TANC2: variants seen among roughly 807,000 people sequenced by gnomAD.
TANC2 encodes tetratricopeptide repeat, ankyrin repeat and coiled-coil containing 2.
A neutral mutation model predicts 210.5 loss-of-function variants in TANC2; 26 were observed. The observed-to-expected ratio is 0.12, with a 90% CI of 0.09 to 0.17. The LOEUF (loss-of-function observed/expected upper bound fraction) is 0.17, where lower values mean the gene tolerates loss of function less well. Ranked by LOEUF, TANC2 falls within the 10% of genes least tolerant of loss-of-function variation. The pLI is 1.00. For missense variants in TANC2, 2,129 were observed against 2,608.9 expected, an observed-to-expected ratio of 0.82 and a Z score of 4.01; for synonymous variants, 931 against 967.1, an observed-to-expected ratio of 0.96 and a Z score of 0.69.
chr17:63,221,654 A>G (rs535833286), intron 7 of TANC2, among the ~76,000 whole-genome samples: 1 of 152,338 alleles, frequency 6.6e-6, no homozygotes, highest in East Asian at 1.9e-4. Flanking sequence ...AACAAGAGAT[A>G]GATGTTCAAT....
At chr17:63,220,613 C>T (rs949276917) in intron 7 of TANC2, among the ~76,000 whole-genome samples, 4 of 147,692 alleles carry the variant, frequency 2.7e-5, no homozygotes, top group East Asian at 2.0e-4. Flanking sequence ...CTGTGGCAGG[C>T]GAATTGCTTC....
intron 19 of TANC2, among the ~76,000 whole-genome samples, chr17:63,403,876 G>A (rs1459518335): frequency 1.3e-5 from 2 of 152,200 alleles, no homozygotes; most frequent in East Asian, 3.8e-4. Context: ...ATATGACTCA[G>A]TAGTGGATAA....
chr17:63,121,865 G>C (rs996174644), intron 4 of TANC2, among the ~76,000 whole-genome samples: 3 of 151,934 alleles, frequency 2.0e-5, no homozygotes, highest in Non-Finnish European at 4.4e-5. Flanking sequence ...TACTTGGGAG[G>C]CTGAGGTGGG....
At chr17:63,130,513 C>CAA (rs879278996) in intron 4 of TANC2, among the ~76,000 whole-genome samples, 49 of 111,150 alleles carry the variant, frequency 4.4e-4, no homozygotes, top group African/African-American at 1.5e-3. Context: ...CTCCATCTCA[C>CAA]AAAAAAAAAA....
chr17:63,355,537 T>A, intron 14 of TANC2, 147 bp downstream of exon 14: 1 of 878,694 alleles, frequency 1.1e-6, no homozygotes, highest in Non-Finnish European at 1.7e-6. Context: ...AAGGCTATAA[T>A]GAGGTTAACT....
intron 1 of TANC2, chr17:62,967,349 T>TA (rs1184175964): frequency 6.6e-6 from 1 of 152,178 alleles, no homozygotes; most frequent in African/African-American, 2.4e-5. Context: ...AAATTGTGTC[T>TA]GGCTGTGAGA....
chr17:63,114,095 T>C (rs891557286), intron 4 of TANC2, among the ~76,000 whole-genome samples: 1 of 152,140 alleles, frequency 6.6e-6, no homozygotes, highest in African/African-American at 2.4e-5. Flanking sequence ...GTATGCCCTT[T>C]TATGCCCTGC....
intron 9 of TANC2, among the ~76,000 whole-genome samples, chr17:63,297,162 A>G (rs941334284): frequency 6.6e-6 from 1 of 152,220 alleles, no homozygotes; most frequent in African/African-American, 2.4e-5. Context: ...CTACAAATAC[A>G]ACACAATCCC....
intron 6 of TANC2, among the ~76,000 whole-genome samples, 165 bp downstream of exon 6, chr17:63,194,304 G>A (rs2041274538): frequency 6.6e-6 from 1 of 152,140 alleles, no homozygotes. Context: ...TTTAGTCTTA[G>A]ATTTAACAAC....
chr17:63,009,552 G>C (rs1313714557), exon 2 of TANC2: 1 of 1,612,598 alleles, frequency 6.2e-7, no homozygotes, highest in Non-Finnish European at 8.5e-7. Context: ...CAGTAGAAGA[G>C]TATAACCATG....
intron 8 of TANC2, among the ~76,000 whole-genome samples, chr17:63,259,099 G>A (rs1004163016): frequency 2.6e-5 from 4 of 152,126 alleles, no homozygotes; most frequent in Non-Finnish European, 4.4e-5. Flanking sequence ...TTCTGGCACG[G>A]GGTATGTCTA....
chr17:63,354,940 C>G (rs1413342918), exon 14 of TANC2: 2 of 1,613,754 alleles, frequency 1.2e-6, no homozygotes, highest in Admixed American at 1.7e-5. Flanking sequence ...ATGGACAATA[C>G]TACATTTGGC....
intron 11 of TANC2, among the ~76,000 whole-genome samples, chr17:63,325,279 C>T (rs1175588266): frequency 6.6e-6 from 1 of 152,164 alleles, no homozygotes; most frequent in African/African-American, 2.4e-5. Flanking sequence ...CCACCATTCC[C>T]CACTCACTTA....
intron 2 of TANC2, among the ~76,000 whole-genome samples, chr17:63,063,673 A>AG (rs1568355793): frequency 4.4e-4 from 41 of 93,158 alleles, no homozygotes; most frequent in Non-Finnish European, 7.1e-4. Context: ...GTTACCCAGT[A>AG]TTGTGTGTGT....
intron 4 of TANC2, among the ~76,000 whole-genome samples, chr17:63,120,329 T>C (rs545623753): frequency 6.6e-6 from 1 of 152,298 alleles, no homozygotes; most frequent in African/African-American, 2.4e-5. Flanking sequence ...TTATGCTGAT[T>C]TGGTGAATCT....
intron 2 of TANC2, among the ~76,000 whole-genome samples, chr17:63,036,967 T>C (rs890257302): frequency 1.3e-5 from 2 of 152,008 alleles, no homozygotes; most frequent in Non-Finnish European, 2.9e-5. Flanking sequence ...TATGTACTTA[T>C]GTCTTTTTTT....
chr17:63,395,740 T>C lies in TANC2; in HGVS notation c.3052-3T>C. 3.7e-6 allele frequency: 6 copies of C among 1,612,980 alleles called. No individual in the cohort carries two copies. The highest frequency in any genetic ancestry group is 5.1e-6 in the Non-Finnish European group (6 of 1,179,482). On this transcript the variant is annotated splice_polypyrimidine_tract_variant and splice_region_variant and intron_variant, in intron 17 of 27. Transcript: ENST00000689528. The stretch of plus-strand genomic sequence containing the variant: ...ACACATATCTCCTGTCCTCTCCTCT[T>C]AGGTGGATCATTTGGATAAGAACGG...
At chr17:63,272,682 AC>A (rs1434204849) in intron 9 of TANC2, among the ~76,000 whole-genome samples, 1 of 152,090 alleles carries the variant, frequency 6.6e-6, no homozygotes, top group African/African-American at 2.4e-5. Flanking sequence ...TACCTGGTTA[AC>A]TGTATTCCTA....
chr17:63,155,959 A>G (rs2039821614), intron 5 of TANC2, among the ~76,000 whole-genome samples: 1 of 152,308 alleles, frequency 6.6e-6, no homozygotes, highest in South Asian at 2.1e-4. Flanking sequence ...CAACTCCTGT[A>G]TAGTCATGGT....
Sources: allele counts gnomAD v4.1 joint callset (sites outside exome capture counted in the v4.1 genomes callset), GRCh38; gene constraint gnomAD v4.1.1; transcripts MANE v1.5; gene names NCBI Gene and HGNC (gene_info 2026-07-23, HGNC 2026-07-21).